The following OR10G3 variants were observed in gnomAD, a reference collection of about 807,000 sequenced individuals.
The protein encoded by OR10G3 is olfactory receptor family 10 subfamily G member 3.
OR10G3 carries 8 observed loss-of-function variants against 13.4 expected under a neutral mutation model. That is an observed-to-expected ratio of 0.60 (90% CI 0.35 to 1.08). OR10G3 has a LOEUF of 1.08. Among genes scored for constraint, OR10G3 ranks in the 50% least tolerant of loss-of-function variants. The pLI is 0.02. For synonymous variants in OR10G3, 142 were observed against 156.1 expected (o/e 0.91, Z 0.67); for missense variants, 393 against 386.6 (o/e 1.02, Z -0.14).
intron 1 of OR10G3, among the ~76,000 whole-genome samples, chr14:21,577,208 G>A (rs1876764526): frequency 6.6e-6 from 1 of 151,620 alleles, no homozygotes; most frequent in Non-Finnish European, 1.5e-5. Flanking sequence ...AGAGAGATAC[G>A]GAGGGACAGA....
At chr14:21,572,936 A>C (rs985212317) in intron 1 of OR10G3, among the ~76,000 whole-genome samples, 6 of 152,210 alleles carry the variant, frequency 3.9e-5, no homozygotes, top group Admixed American at 3.3e-4. Flanking sequence ...CAATGGGGAA[A>C]GGACAGTCTC....
In OR10G3 at chr14:21,569,842, T is replaced by G. The variant is rs771805530; in HGVS notation, c.903A>C (p.Lys301Asn). The change falls in exon 2 of 2, where the codon AAA becomes AAC. Residue 301 changes from lysine to asparagine, a missense_variant. Physicochemically the swap from Lys to Asn is moderately conservative, Grantham distance 94 (BLOSUM62 0). Transcript: ENST00000641040. ...GAGTTCTTGGGCTTCTGAGCATTCT[T>G]TTCAGGGCCAGCTTCACCTCTTGGT... ...LRNQEVKLAL[K>N]RMLRSPRTPS... The G allele has an allele frequency of 6.2e-7, 1 of 1,614,180 alleles. No individual in the cohort carries two copies. Among genetic ancestry groups the G allele is most frequent in the Non-Finnish European group, 8.5e-7 (1 of 1,180,034 alleles).
intron 1 of OR10G3, among the ~76,000 whole-genome samples, chr14:21,575,553 G>C (rs901282919): frequency 2.0e-5 from 3 of 151,200 alleles, no homozygotes; most frequent in Non-Finnish European, 2.9e-5. Flanking sequence ...GCTAATTTTT[G>C]TATTTGTAGT....
intron 1 of OR10G3, among the ~76,000 whole-genome samples, chr14:21,573,319 T>G (rs1177701876): frequency 6.6e-6 from 1 of 151,804 alleles, no homozygotes; most frequent in African/African-American, 2.4e-5. Flanking sequence ...AAGAGAATGG[T>G]GGTTACTAGA....
chr14:21,577,779 C>A lies in OR10G3; in HGVS notation c.-18+2007G>T, dbSNP rs184705786. On this transcript the variant is annotated intron_variant, in intron 1 of 1. Coordinates refer to ENST00000641040, the MANE Select transcript of OR10G3 (RefSeq NM_001005465.2). ...ATCCCAGCATTTTGGGAGGCCGAGG[C>A]GGGCAGATCACCTGAGGTCGGGTGA... Among the ~76,000 whole-genome samples, 509 of 152,232 alleles carry A rather than the reference C, an allele frequency of 3.3e-3. 1 individual carries two copies. Among genetic ancestry groups the A allele is most frequent in the African/African-American group, 0.012 (488 of 41,548 alleles).
At chr14:21,575,236 C>T (rs1210926059) in intron 1 of OR10G3, among the ~76,000 whole-genome samples, 2 of 152,024 alleles carry the variant, frequency 1.3e-5, no homozygotes, top group Non-Finnish European at 2.9e-5. Context: ...AGCCCGCCAC[C>T]ACACCCAGCT....
chr14:21,577,511 G>A (rs1429641882), intron 1 of OR10G3, among the ~76,000 whole-genome samples: 1 of 152,208 alleles, frequency 6.6e-6, no homozygotes, highest in African/African-American at 2.4e-5. Flanking sequence ...TAAATCATGT[G>A]AACTGAATCA....
At chr14:21,578,588 C>T (rs929104882) in intron 1 of OR10G3, among the ~76,000 whole-genome samples, 1 of 152,032 alleles carries the variant, frequency 6.6e-6, no homozygotes, top group African/African-American at 2.4e-5. Context: ...CAGGCTTAAC[C>T]TCATTTCAGC....
chr14:21,575,753 T>G (rs534335828), intron 1 of OR10G3, among the ~76,000 whole-genome samples: 2 of 152,084 alleles, frequency 1.3e-5, no homozygotes, highest in Admixed American at 6.6e-5. Flanking sequence ...CTCTCATCAT[T>G]TAACCATCTC....
rs1893056322 is a variant in OR10G3 at position 21,570,527 on chromosome 14, C to T, written c.218G>A (p.Ser73Asn). The T allele has an allele frequency of 6.2e-7, 1 of 1,614,082 alleles. No individual in the cohort carries two copies. The highest frequency in any genetic ancestry group is 1.7e-5 in the Admixed American group (1 of 60,000). The stretch of plus-strand genomic sequence containing the variant: ...GCGAGGGACAATGATGGAGGAGATG[C>T]TCATATCAATGACTGAGAGAACACC... ...FLGVLSVIDM[S>N]ISSIIVPRLM... Residue 73 changes from serine to asparagine, a missense_variant, in exon 2 of 2, where the codon AGC (serine) becomes AAC (asparagine). Physicochemically the swap from Ser to Asn is conservative, Grantham distance 46 (BLOSUM62 1). Coordinates refer to ENST00000641040, the MANE Select transcript of OR10G3 (RefSeq NM_001005465.2).
rs148027079 is a variant in OR10G3, at chr14:21,573,018, A to G, written c.-17-2257T>C. Among the ~76,000 whole-genome samples, 177 of 152,324 alleles carry G rather than the reference A, an allele frequency of 1.2e-3. 1 individual carries two copies. Among genetic ancestry groups the G allele is most frequent in the African/African-American group, 4.0e-3 (165 of 41,568 alleles). On this transcript the variant is annotated intron_variant, in intron 1 of 1. Coordinates refer to ENST00000641040, the MANE Select transcript of OR10G3 (RefSeq NM_001005465.2). Reference sequence around the variant, plus strand: ...TGAAATTGGACCTTTATCTCACACCATTAGCAAAAATCAGCTCAAAATGAA... The same window carrying G: ...TGAAATTGGACCTTTATCTCACACCGTTAGCAAAAATCAGCTCAAAATGAA...
At chr14:21,575,387 C>CT (rs568846340) in intron 1 of OR10G3, among the ~76,000 whole-genome samples, 14,695 of 116,090 alleles carry the variant, frequency 0.13, 1,184 homozygotes, top group East Asian at 0.44. Context: ...GGCCTCAAGT[C>CT]TTTTTTTTTT....
At position 21,577,539 on chromosome 14, in the gene OR10G3, T is replaced by C. The variant is rs1594492050; in HGVS notation, c.-18+2247A>G. ...CTGAATCACAATTTTAAGAGTTTTATGGTTCATTCTGTCAAGGATTCTAAA... is the reference window on the plus strand; with the variant it reads ...CTGAATCACAATTTTAAGAGTTTTACGGTTCATTCTGTCAAGGATTCTAAA... On this transcript the variant is annotated intron_variant, in intron 1 of 1. Coordinates refer to ENST00000641040, the MANE Select transcript of OR10G3 (RefSeq NM_001005465.2). Among the ~76,000 whole-genome samples, 3 of 152,258 alleles carry C rather than the reference T, an allele frequency of 2.0e-5. No homozygotes were observed. The East Asian group carries it at 5.8e-4, about 29-fold the overall frequency.
At position 21,570,648 on chromosome 14, in the gene OR10G3, GA is replaced by G; in HGVS notation, c.96del (p.Leu33Ter). Reference sequence around the variant, plus strand: ...CCCAGCTGAGTCAGGATGTAGATTAGAAAAAAGAACACAAAAAAGAGTGTCC... The same window carrying G: ...CCCAGCTGAGTCAGGATGTAGATTAGAAAAAGAACACAAAAAAGAGTGTCC... ...RLRTLFFVFFFLIYILTQLGN... is the reference protein window; with the variant it reads ...RLRTLFFVFFXLIYILTQLGN... On this transcript the variant is annotated frameshift_variant, in exon 2 of 2. Transcript: ENST00000641040. LOFTEE classifies it high-confidence loss of function. 6.2e-7 allele frequency: 1 copy of G among 1,612,766 alleles called. No individual in the cohort carries two copies. Among genetic ancestry groups the G allele is most frequent in the East Asian group, 2.2e-5 (1 of 44,882 alleles).
At chr14:21,572,161 G>A (rs1893076245) in intron 1 of OR10G3, among the ~76,000 whole-genome samples, 2 of 150,996 alleles carry the variant, frequency 1.3e-5, no homozygotes, top group African/African-American at 2.4e-5. Context: ...GCACGGTGGT[G>A]GGCACCTATA....
chr14:21,574,302 C>CAAAA (rs587769086), intron 1 of OR10G3, among the ~76,000 whole-genome samples: 1 of 96,752 alleles, frequency 1.0e-5, no homozygotes, highest in Non-Finnish European at 2.0e-5. Context: ...GACTCCATCT[C>CAAAA]AAAAAAAAAA....
intron 1 of OR10G3, among the ~76,000 whole-genome samples, chr14:21,577,857 T>C (rs139561582): frequency 3.4e-5 from 2 of 58,290 alleles, no homozygotes; most frequent in African/African-American, 5.2e-5. Flanking sequence ...ACAAAATTAG[T>C]GTGGTGTGGT....
Position 21,569,821 on chromosome 14 carries a change from T to G in OR10G3, c.924A>C (p.Arg308Ser). ...GACACTTTCAAACCTCACTCGGAGT[T>G]CTTGGGCTTCTGAGCATTCTTTTCA... ...LALKRMLRSP[R>S]TPSEV The change falls in exon 2 of 2, where the codon AGA becomes AGC. Residue 308 changes from arginine to serine, a missense_variant. By Grantham distance (110) the Arg-to-Ser change is moderately radical (BLOSUM62 -1). Transcript: ENST00000641040. The G allele has an allele frequency of 6.2e-7, 1 of 1,614,118 alleles. No individual in the cohort carries two copies.
intron 1 of OR10G3, among the ~76,000 whole-genome samples, chr14:21,573,788 T>G (rs1197217203): frequency 6.6e-6 from 1 of 152,122 alleles, no homozygotes; most frequent in East Asian, 1.9e-4. Context: ...TAAAAGAGCT[T>G]ATTTTAAGTG....
Sources: gnomAD v4.1 joint callset for allele counts (sites outside exome capture counted in the v4.1 genomes callset) on GRCh38, gnomAD v4.1.1 for gene constraint, MANE v1.5 for transcripts, NCBI Gene and HGNC (gene_info 2026-07-23, HGNC 2026-07-21) for gene names.